Variants in MAP3K20 observed in about 807,000 individuals in gnomAD.
The protein encoded by MAP3K20 is mitogen-activated protein kinase kinase kinase 20.
MAP3K20 carries 40 observed loss-of-function variants against 85.7 expected under a neutral mutation model. The observed-to-expected ratio is 0.47, with a 90% CI of 0.36 to 0.61. The LOEUF is 0.61. MAP3K20 is among the 20% of genes least tolerant of loss of function. The pLI is 0.00. For synonymous variants in MAP3K20, 325 were observed against 327.7 expected, an observed-to-expected ratio of 0.99 and a Z score of 0.09; for missense variants, 817 against 961.7, an observed-to-expected ratio of 0.85 and a Z score of 1.99.
chr2:173,115,963 G>A (rs1439665903), intron 2 of MAP3K20, among the ~76,000 whole-genome samples: 1 of 151,478 alleles, frequency 6.6e-6, no homozygotes, highest in African/African-American at 2.4e-5. Flanking sequence ...GCAGAAAGGC[G>A]AAGGGGAAGC....
At chr2:173,226,383 G>C in intron 11 of MAP3K20, 2 of 985,228 alleles carry the variant, frequency 2.0e-6, no homozygotes, top group Non-Finnish European at 2.4e-6. Flanking sequence ...AAGTAGCAGA[G>C]TTTCATCATA....
At chr2:173,166,135 AT>A (rs1244568566) in intron 2 of MAP3K20, among the ~76,000 whole-genome samples, 10 of 152,092 alleles carry the variant, frequency 6.6e-5, no homozygotes, top group Admixed American at 5.9e-4. Context: ...TGCTTTCTTT[AT>A]TGCTGAATGT....
Position 173,239,549 on chromosome 2 carries a change from T to A in MAP3K20, c.1359+53T>A. 3.9e-6 allele frequency: 6 copies of A among 1,533,236 alleles called. No individual in the cohort carries two copies. The South Asian group carries it at 7.1e-5, about 18-fold the overall frequency. The allele number at this position is 1,533,236 out of a possible 1,614,324, so 95.0% of individuals were successfully genotyped here. On this transcript the variant is annotated intron_variant, in intron 16 of 19. Coordinates refer to ENST00000375213, the MANE Select transcript of MAP3K20 (RefSeq NM_016653.3). ...AAATCTCAATCGAACTACTCTTTTTTCTCTTCTGTAACTCCATGGTTTTAT... is the reference window on the plus strand; with the variant it reads ...AAATCTCAATCGAACTACTCTTTTTACTCTTCTGTAACTCCATGGTTTTAT...
intron 12 of MAP3K20, among the ~76,000 whole-genome samples, chr2:173,230,487 C>T (rs1203806908): frequency 6.6e-6 from 1 of 152,102 alleles, no homozygotes; most frequent in Middle Eastern, 3.2e-3. Flanking sequence ...TTCTGGCCTC[C>T]CAAGTGGGAA....
At chr2:173,170,417 T>TAA (rs1234803164) in intron 3 of MAP3K20, among the ~76,000 whole-genome samples, 1 of 152,200 alleles carries the variant, frequency 6.6e-6, no homozygotes, top group Non-Finnish European at 1.5e-5. Context: ...CTGACAGAAA[T>TAA]ACGCTTTCTA....
At chr2:173,156,046 C>T (rs1256391648) in intron 2 of MAP3K20, among the ~76,000 whole-genome samples, 2 of 152,152 alleles carry the variant, frequency 1.3e-5, no homozygotes, top group Non-Finnish European at 2.9e-5. Context: ...AGAGGACACC[C>T]TGGTGTACTT....
chr2:173,094,650 C>T (rs1167661922), intron 2 of MAP3K20, among the ~76,000 whole-genome samples: 1 of 152,090 alleles, frequency 6.6e-6, no homozygotes, highest in Non-Finnish European at 1.5e-5. Flanking sequence ...TAATGTCCCT[C>T]ATTTGGGGTT....
At chr2:173,197,031 T>C (rs1318240762) in intron 7 of MAP3K20, among the ~76,000 whole-genome samples, 1 of 152,172 alleles carries the variant, frequency 6.6e-6, no homozygotes, top group Non-Finnish European at 1.5e-5. Context: ...GGATTGCTAT[T>C]AATCATGGTA....
At chr2:173,168,485 G>GT (rs1559261425) in intron 2 of MAP3K20, among the ~76,000 whole-genome samples, 1 of 152,126 alleles carries the variant, frequency 6.6e-6, no homozygotes, top group Non-Finnish European at 1.5e-5. Flanking sequence ...TTTCGCAGCT[G>GT]TTTTTAATGA....
chr2:173,253,309 G>A (rs1685083214), intron 16 of MAP3K20, among the ~76,000 whole-genome samples: 1 of 152,148 alleles, frequency 6.6e-6, no homozygotes. Flanking sequence ...GCACAATGCT[G>A]GGAACTGCAT....
chr2:173,261,165 G>A, intron 18 of MAP3K20, 28 bp downstream of exon 18: 1 of 1,607,354 alleles, frequency 6.2e-7, no homozygotes, highest in East Asian at 2.2e-5. Flanking sequence ...GAGGCTGGTG[G>A]CCTCACCATC....
chr2:173,257,782 TTAATA>T (rs1558914446), intron 16 of MAP3K20, among the ~76,000 whole-genome samples: 3 of 152,212 alleles, frequency 2.0e-5, no homozygotes, highest in Non-Finnish European at 4.4e-5. Flanking sequence ...TGTATTAATA[TTAATA>T]TGAGAGTTCC....
At chr2:173,085,958 G>A (rs1472564307) in intron 1 of MAP3K20, among the ~76,000 whole-genome samples, 1 of 151,776 alleles carries the variant, frequency 6.6e-6, no homozygotes, top group Non-Finnish European at 1.5e-5. Flanking sequence ...ACCATGCCTG[G>A]CTAATTTTTG....
chr2:173,113,369 AT>A (rs951942153), intron 2 of MAP3K20, among the ~76,000 whole-genome samples: 86 of 149,252 alleles, frequency 5.8e-4, no homozygotes, highest in African/African-American at 1.8e-3. Flanking sequence ...TATCTTTTGT[AT>A]TTTTTTTTGT....
chr2:173,242,159 C>G (rs1432122875), intron 16 of MAP3K20, among the ~76,000 whole-genome samples: 6 of 150,950 alleles, frequency 4.0e-5, no homozygotes, highest in Non-Finnish European at 7.4e-5. Flanking sequence ...GAACAGAGAT[C>G]TCAACCAAGA....
intron 7 of MAP3K20, among the ~76,000 whole-genome samples, chr2:173,195,692 C>A (rs1407481856): frequency 2.0e-5 from 3 of 152,046 alleles, no homozygotes; most frequent in African/African-American, 7.2e-5. Flanking sequence ...CTTTTTGATA[C>A]ATCCCCAAAT....
intron 2 of MAP3K20, among the ~76,000 whole-genome samples, chr2:173,123,156 C>A (rs1553566039): frequency 6.6e-6 from 1 of 152,186 alleles, no homozygotes; most frequent in Non-Finnish European, 1.5e-5. Flanking sequence ...TCTGGCATTT[C>A]AACCTCATTA....
Position 173,150,462 on chromosome 2 carries a change from A to T in MAP3K20, c.160-19343A>T, listed in dbSNP as rs546459493. ...CAGGGTTGTTTCAGCCTCTTCTCTC[A>T]TAAAAGAGAGAGTGCTATTGCTGTC... On this transcript the variant is annotated intron_variant, in intron 2 of 19. Coordinates refer to ENST00000375213, the MANE Select transcript of MAP3K20 (RefSeq NM_016653.3). Among the ~76,000 whole-genome samples the T allele has an allele frequency of 9.2e-5, 14 of 152,338 alleles. No individual in the cohort carries two copies. In the South Asian group the frequency reaches 2.9e-3, roughly 32 times the overall value.
chr2:173,201,468 T>C (rs889742448), intron 8 of MAP3K20, among the ~76,000 whole-genome samples: 1 of 152,222 alleles, frequency 6.6e-6, no homozygotes, highest in Non-Finnish European at 1.5e-5. Context: ...ACAAAACTAT[T>C]TGACTAACAG....
Sources: allele counts gnomAD v4.1 joint callset (sites outside exome capture counted in the v4.1 genomes callset), GRCh38; gene constraint gnomAD v4.1.1; transcripts MANE v1.5; gene names NCBI Gene and HGNC (gene_info 2026-07-23, HGNC 2026-07-21).